PRKCE: variants seen among roughly 807,000 people sequenced by gnomAD.
The protein encoded by PRKCE is protein kinase C epsilon type.
Under a neutral mutation model 85.4 loss-of-function variants are expected in PRKCE, and 16 were observed. The ratio of observed to expected loss-of-function variants is 0.19; its 90% CI spans 0.13 to 0.28. The LOEUF is 0.28. Ranked by LOEUF, PRKCE falls within the 10% of genes least tolerant of loss-of-function variation. The probability of loss-of-function intolerance (pLI) is 1.00; values close to 1 mark genes in which losing one functional copy is unlikely to be tolerated. For synonymous variants in PRKCE, 388 were observed against 371.5 expected, an observed-to-expected ratio of 1.04 and a Z score of -0.51; for missense variants, 573 against 975.2, an observed-to-expected ratio of 0.59 and a Z score of 5.49.
At chr2:46,058,336 C>G (rs1383004951) in intron 10 of PRKCE, among the ~76,000 whole-genome samples, 1 of 152,228 alleles carries the variant, frequency 6.6e-6, no homozygotes, top group African/African-American at 2.4e-5. Flanking sequence ...CTCTGGAAAG[C>G]TGGGACAGGA....
At chr2:46,079,446 C>G (rs1668858638) in intron 10 of PRKCE, among the ~76,000 whole-genome samples, 1 of 152,170 alleles carries the variant, frequency 6.6e-6, no homozygotes, top group Non-Finnish European at 1.5e-5. Context: ...TCTATATCCC[C>G]CAGCCACCTA....
At position 45,944,820 on chromosome 2, in the gene PRKCE, A is replaced by G. The variant is rs543185215; in HGVS notation, c.413-31609A>G. On this transcript the variant is annotated intron_variant, in intron 2 of 14. Coordinates refer to ENST00000306156, the MANE Select transcript of PRKCE (RefSeq NM_005400.3). ...CTGGGCAATCCTCAATTTAAAAACA[A>G]AAACACAAAAACCTCAAGTGACTTC... Among the ~76,000 whole-genome samples, 4 of 152,144 alleles carry G rather than the reference A, an allele frequency of 2.6e-5. No homozygotes were observed. In the East Asian group the frequency reaches 7.7e-4, roughly 29 times the overall value.
At position 46,004,245 on chromosome 2, in the gene PRKCE, C is replaced by G. The variant is rs1273907759; in HGVS notation, c.967-297C>G. On this transcript the variant is annotated intron_variant, in intron 7 of 14. Transcript: ENST00000306156. This position sits in a 1 kb window ranked among gnomAD's most constrained non-coding sequence, Gnocchi z 4.1. ...TTCATCCTTTTGGATGGGGTTGGATCAAACATTGTACCTCTGTCTCAGCTC... is the reference window on the plus strand; with the variant it reads ...TTCATCCTTTTGGATGGGGTTGGATGAAACATTGTACCTCTGTCTCAGCTC... 1 of 374,912 alleles carries G rather than the reference C, an allele frequency of 2.7e-6. No homozygotes were observed. Among genetic ancestry groups the G allele is most frequent in the African/African-American group, 2.1e-5 (1 of 47,924 alleles). The allele number at this position is 374,912 out of a possible 1,614,324, so 23.2% of individuals were successfully genotyped here. A position where few individuals can be genotyped will look rare whatever the true frequency, so the allele number is the denominator to read the frequency against.
chr2:45,913,679 C>T (rs1489290800), intron 2 of PRKCE, among the ~76,000 whole-genome samples: 2 of 152,342 alleles, frequency 1.3e-5, no homozygotes, highest in South Asian at 2.1e-4. Flanking sequence ...TCTGTCTATC[C>T]ATGCATATGT....
At chr2:45,938,433 A>C (rs971327692) in intron 2 of PRKCE, among the ~76,000 whole-genome samples, 2 of 152,194 alleles carry the variant, frequency 1.3e-5, no homozygotes, top group Non-Finnish European at 2.9e-5. Flanking sequence ...GACTATCCTT[A>C]GTGACTTGGA....
chr2:45,963,532 C>T (rs1403527129), intron 2 of PRKCE, among the ~76,000 whole-genome samples: 1 of 152,236 alleles, frequency 6.6e-6, no homozygotes, highest in Non-Finnish European at 1.5e-5. Flanking sequence ...TGGTCTAGAA[C>T]TCCTGACCTC....
In PRKCE at chr2:45,702,483, C is replaced by T. The variant is rs1050840718; in HGVS notation, c.348+50035C>T. Reference sequence around the variant, plus strand: ...TATTGTGTGTGTTATAGAAGGCGCTCGGTCAGCATGGTCAGTTTTACTTGC... The same window carrying T: ...TATTGTGTGTGTTATAGAAGGCGCTTGGTCAGCATGGTCAGTTTTACTTGC... On this transcript the variant is annotated intron_variant, in intron 1 of 14. Transcript: ENST00000306156. Among the ~76,000 whole-genome samples, 14 of 152,252 alleles carry T rather than the reference C, an allele frequency of 9.2e-5. No individual in the cohort carries two copies. In the South Asian group the frequency reaches 2.1e-3, roughly 23 times the overall value.
rs1426841961 is a variant in PRKCE at position 46,114,223 on chromosome 2, G to A, written c.1592+27861G>A. 4.6e-5 allele frequency among the ~76,000 whole-genome samples: 7 copies of A among 152,122 alleles called. No homozygotes were observed. In the East Asian group the frequency reaches 1.2e-3, roughly 25 times the overall value. On this transcript the variant is annotated intron_variant, in intron 11 of 14. Coordinates refer to ENST00000306156, the MANE Select transcript of PRKCE (RefSeq NM_005400.3). ...AACTCGAGGGTTCTGTATAAACTTCGGGGGTATAAACCTGTGCAGACCTCA... is the reference window on the plus strand; with the variant it reads ...AACTCGAGGGTTCTGTATAAACTTCAGGGGTATAAACCTGTGCAGACCTCA...
intron 1 of PRKCE, among the ~76,000 whole-genome samples, chr2:45,780,436 A>G (rs1263124426): frequency 6.6e-6 from 1 of 152,140 alleles, no homozygotes; most frequent in Non-Finnish European, 1.5e-5. Context: ...GTAAACTGGT[A>G]ATGAGTTCTA....
intron 10 of PRKCE, among the ~76,000 whole-genome samples, chr2:46,084,538 A>G (rs770378950): frequency 1.4e-4 from 22 of 152,056 alleles, no homozygotes; most frequent in Admixed American, 7.9e-4. Flanking sequence ...CCTGGCCAAC[A>G]TGGTGAAACG....
intron 1 of PRKCE, among the ~76,000 whole-genome samples, chr2:45,747,527 A>G (rs1280001315): frequency 6.6e-6 from 1 of 152,198 alleles, no homozygotes; most frequent in Non-Finnish European, 1.5e-5. Context: ...GTGTTGTAGC[A>G]TATGTCAGAA....
At chr2:45,761,052 G>T (rs1162074052) in intron 1 of PRKCE, among the ~76,000 whole-genome samples, 1 of 152,108 alleles carries the variant, frequency 6.6e-6, no homozygotes, top group Non-Finnish European at 1.5e-5. Flanking sequence ...TTAAGGCCGG[G>T]CATGGTGGCT....
intron 2 of PRKCE, among the ~76,000 whole-genome samples, chr2:45,885,634 C>T (rs1004187656): frequency 2.1e-4 from 32 of 152,334 alleles, no homozygotes; most frequent in African/African-American, 7.0e-4. Context: ...GTAGCCCAGC[C>T]AAATTTCTCT....
At chr2:46,084,292 T>C (rs1203078182) in intron 10 of PRKCE, among the ~76,000 whole-genome samples, 2 of 152,246 alleles carry the variant, frequency 1.3e-5, no homozygotes, top group East Asian at 3.8e-4. Context: ...AACTATGGAC[T>C]TTATTTTCAA....
intron 10 of PRKCE, among the ~76,000 whole-genome samples, chr2:46,064,968 TAGA>T (rs1318173898): frequency 1.3e-5 from 2 of 152,192 alleles, no homozygotes; most frequent in Non-Finnish European, 2.9e-5. Flanking sequence ...CATTTTCAAC[TAGA>T]AGAAGAGAAA....
At chr2:45,903,881 G>GA (rs772885369) in intron 2 of PRKCE, among the ~76,000 whole-genome samples, 2 of 117,140 alleles carry the variant, frequency 1.7e-5, no homozygotes. Flanking sequence ...TAGCCTGGCA[G>GA]TTTTTTTTTG....
intron 1 of PRKCE, among the ~76,000 whole-genome samples, chr2:45,733,717 G>C (rs1266781037): frequency 6.6e-6 from 1 of 152,060 alleles, no homozygotes. Flanking sequence ...TTCTTTCTAC[G>C]CAGCTAAGAG....
intron 11 of PRKCE, among the ~76,000 whole-genome samples, chr2:46,087,304 C>T (rs1042811381): frequency 6.6e-6 from 1 of 152,118 alleles, no homozygotes; most frequent in Non-Finnish European, 1.5e-5. Context: ...TTGTTGCCAA[C>T]TGGAAGTGTG....
At position 46,046,504 on chromosome 2, in the gene PRKCE, A is replaced by T. The variant is rs1350639657; in HGVS notation, c.1437+35987A>T. On this transcript the variant is annotated intron_variant, in intron 10 of 14. Coordinates refer to ENST00000306156, the MANE Select transcript of PRKCE (RefSeq NM_005400.3). ...TAAACCTTGTAGGGGCTGCTTCTGC[A>T]TGTTCAAGTTTGAGAGTCTCCACTT... Among the ~76,000 whole-genome samples, 4 of 152,358 alleles carry T rather than the reference A, an allele frequency of 2.6e-5. No homozygotes were observed. The South Asian group carries it at 8.3e-4, about 32-fold the overall frequency.
Sources: allele counts gnomAD v4.1 joint callset (sites outside exome capture counted in the v4.1 genomes callset), GRCh38; gene constraint gnomAD v4.1.1; non-coding constraint Gnocchi (gnomAD v3.1); transcripts MANE v1.5; gene names NCBI Gene and HGNC (gene_info 2026-07-23, HGNC 2026-07-21).